Variants in TJP3 observed in about 807,000 individuals in gnomAD.
The protein encoded by TJP3 is tight junction protein 3.
TJP3 carries 85 observed loss-of-function variants against 104.2 expected under a neutral mutation model. The ratio of observed to expected loss-of-function variants is 0.82; its 90% CI spans 0.68 to 0.98. The LOEUF (loss-of-function observed/expected upper bound fraction) is 0.98, where lower values mean the gene tolerates loss of function less well. TJP3 is among the 50% of genes least tolerant of loss of function. The pLI is 0.00. For synonymous variants in TJP3, 550 were observed against 550.6 expected (o/e 1.00, Z 0.02); for missense variants, 1,367 against 1,322.8 (o/e 1.03, Z -0.52).
At chr19:3,733,673 T>A (rs756965288) in intron 6 of TJP3, 80 bp from the exon 7 acceptor site, 1 of 1,574,748 alleles carries the variant, frequency 6.4e-7, no homozygotes, top group Non-Finnish European at 8.7e-7. Flanking sequence ...CTGTTTCAAG[T>A]TCCCCCACAC....
At chr19:3,736,070 G>T in intron 10 of TJP3, 95 bp from the exon 11 acceptor site, 2 of 1,570,736 alleles carry the variant, frequency 1.3e-6, no homozygotes, top group Non-Finnish European at 1.7e-6. Flanking sequence ...GGGAAACTGA[G>T]GCCTGGAGGG....
At chr19:3,725,118 T>C (rs1207963334) in intron 1 of TJP3, among the ~76,000 whole-genome samples, 1 of 152,058 alleles carries the variant, frequency 6.6e-6, no homozygotes, top group Admixed American at 6.6e-5. Flanking sequence ...AAAAATATGC[T>C]GTGTGTGGTG....
In TJP3 at chr19:3,730,507, C is replaced by T. The variant is rs199667693; in HGVS notation, c.414C>T (p.Ser138=). ...ATGACGGCGACTCATCCAGTGGCTC[C>T]GGCCGCTCCTGGGACGAGCGCTCCC... The part of the protein sequence containing the change: ...RGYDGDSSSG[S]GRSWDERSRR... Residue 138 remains serine (S), a synonymous_variant, in exon 5 of 21, where the codon TCC becomes TCT. Transcript: ENST00000541714. The surrounding 1 kb of genome is among the most constrained non-coding windows in gnomAD (Gnocchi z 7.3). The T allele has an allele frequency of 4.3e-4, 685 of 1,588,144 alleles. 6 individuals carry two copies. The East Asian group carries it at 0.011, about 25-fold the overall frequency.
chr19:3,721,730 C>T (rs1239940380), intron 1 of TJP3: 4 of 381,364 alleles, frequency 1.0e-5, no homozygotes, highest in Admixed American at 4.5e-5. Context: ...GGAAGAGGGG[C>T]AGGTGCAGCC....
chr19:3,740,684 T>G lies in TJP3; in HGVS notation c.1764T>G (p.Thr588=). 1 of 1,607,184 alleles carries G rather than the reference T, an allele frequency of 6.2e-7. No homozygotes were observed. The highest frequency in any genetic ancestry group is 8.5e-7 in the Non-Finnish European group (1 of 1,177,506). The change falls in exon 14 of 21, where the codon ACT becomes ACG. Residue 588 remains threonine, a synonymous_variant. Transcript: ENST00000541714. ...TTCGTCGAGGAGCCAAGAAGACCAC[T>G]CAGCGGAGCCGTGAGGACCTCTCAG... The part of the protein sequence containing the change: ...RGLRRGAKKT[T]QRSREDLSAL...
intron 1 of TJP3, among the ~76,000 whole-genome samples, chr19:3,720,701 T>C (rs777482170): frequency 4.0e-5 from 6 of 151,848 alleles, no homozygotes; most frequent in Non-Finnish European, 8.8e-5. Context: ...TTTCCTACCC[T>C]GGTCCAGTCC....
chr19:3,740,884 T>A, intron 14 of TJP3, 121 bp downstream of exon 14: 1 of 946,452 alleles, frequency 1.1e-6, no homozygotes. Context: ...CTCACGCCTA[T>A]AATCCCAACA....
chr19:3,732,890 C>T (rs1405506861), intron 6 of TJP3, among the ~76,000 whole-genome samples: 2 of 152,168 alleles, frequency 1.3e-5, no homozygotes, highest in Non-Finnish European at 2.9e-5. Context: ...GGTGATCCAT[C>T]CGCCTCGGCC....
chr19:3,745,981 G>C (rs754318381), intron 15 of TJP3, 30 bp from the exon 16 acceptor site: 1 of 1,570,838 alleles, frequency 6.4e-7, no homozygotes, highest in Non-Finnish European at 8.7e-7. Flanking sequence ...CTGCCCTCCT[G>C]AAGCTGCTGG....
At chr19:3,718,212 AGTGTGTGTGTGTGTGTGTGTGT>A (rs71339057) in intron 1 of TJP3, among the ~76,000 whole-genome samples, 1 of 48,256 alleles carries the variant, frequency 2.1e-5, no homozygotes, top group African/African-American at 8.3e-5. Context: ...AAAAAAAAAA[AGTGTGTGTGTGTGTGTGTGTGT>A]GTGTGTGTGT....
At chr19:3,750,067 A>G in intron 19 of TJP3, 71 bp from the exon 20 acceptor site, 1 of 1,596,920 alleles carries the variant, frequency 6.3e-7, no homozygotes, top group East Asian at 2.2e-5. Flanking sequence ...GATGGGATGG[A>G]GGTGGTTATT....
intron 1 of TJP3, among the ~76,000 whole-genome samples, chr19:3,714,228 T>C (rs1183935145): frequency 6.6e-6 from 1 of 152,038 alleles, no homozygotes; most frequent in South Asian, 2.1e-4. Flanking sequence ...TTTTGTATTT[T>C]TAGTAGAGAC....
chr19:3,736,816 TC>T (rs2036745282), intron 11 of TJP3, among the ~76,000 whole-genome samples: 1 of 151,416 alleles, frequency 6.6e-6, no homozygotes, highest in Non-Finnish European at 1.5e-5. Context: ...CCTCAGGTGA[TC>T]CACCTGCCTC....
In TJP3 at chr19:3,730,638, G is replaced by A. The variant is rs754262428; in HGVS notation, c.545G>A (p.Arg182Gln). The A allele has an allele frequency of 3.7e-5, 60 of 1,611,898 alleles. No homozygotes were observed. The highest frequency in any genetic ancestry group is 2.0e-4 in the African/African-American group (15 of 75,056). ...NGLALVSGFK[R>Q]LPRQDVQMKP... ...CTGGCCCTGGTGTCCGGCTTTAAGC[G>A]GCTGCCACGGCAGGACGTGCAGATG... Residue 182 changes from arginine (R) to glutamine (Q), a missense_variant, in exon 5 of 21, where the codon CGG (arginine) becomes CAG (glutamine). Coordinates refer to ENST00000541714, the MANE Select transcript of TJP3 (RefSeq NM_001267560.2). This position sits in a 1 kb window ranked among gnomAD's most constrained non-coding sequence, Gnocchi z 7.3.
intron 6 of TJP3, among the ~76,000 whole-genome samples, chr19:3,733,534 C>G (rs1027794202): frequency 1.1e-4 from 16 of 152,162 alleles, no homozygotes; most frequent in African/African-American, 3.9e-4. Flanking sequence ...GTCTCCCACC[C>G]CTCTTAGAAC....
intron 1 of TJP3, among the ~76,000 whole-genome samples, chr19:3,714,650 G>T (rs963748955): frequency 6.6e-6 from 1 of 151,730 alleles, no homozygotes; most frequent in Non-Finnish European, 1.5e-5. Context: ...GCACACACCT[G>T]TAATCCCAGC....
At chr19:3,729,781 C>CAAAA (rs35091592) in intron 3 of TJP3, among the ~76,000 whole-genome samples, 1 of 120,588 alleles carries the variant, frequency 8.3e-6, no homozygotes, top group African/African-American at 3.2e-5. Context: ...GACTCTGTCT[C>CAAAA]AAAAAAAAAA....
chr19:3,729,363 AC>A (rs1162741302), intron 3 of TJP3, among the ~76,000 whole-genome samples: 16 of 152,192 alleles, frequency 1.1e-4, no homozygotes, highest in Non-Finnish European at 1.5e-5. Context: ...ATTAGGGACC[AC>A]CAGGTTCAGA....
In TJP3 at chr19:3,739,284, G is replaced by A. The variant is rs1266838937; in HGVS notation, c.1631+150G>A. 1.1e-5 allele frequency: 7 copies of A among 617,132 alleles called. No individual in the cohort carries two copies. The East Asian group carries it at 1.2e-4, about 11-fold the overall frequency. 38.2% of individuals were successfully genotyped at this position (617,132 alleles called of 1,614,324 possible). On this transcript the variant is annotated intron_variant, in intron 13 of 20. Transcript: ENST00000541714. ...AAGTGGGCAGATCATGAGGTCAAGAGATCGAGACCATCCTGGGCAACATGG... is the reference window on the plus strand; with the variant it reads ...AAGTGGGCAGATCATGAGGTCAAGAAATCGAGACCATCCTGGGCAACATGG...
Sources: gnomAD v4.1 joint callset for allele counts (sites outside exome capture counted in the v4.1 genomes callset) on GRCh38, gnomAD v4.1.1 for gene constraint, Gnocchi (gnomAD v3.1) non-coding constraint, MANE v1.5 for transcripts, NCBI Gene and HGNC (gene_info 2026-07-23, HGNC 2026-07-21) for gene names.